SV2B: variants seen among roughly 807,000 people sequenced by gnomAD.
SV2B encodes the protein solute carrier family 22 member B2.
Under a neutral mutation model 73.9 loss-of-function variants are expected in SV2B, and 41 were observed. The observed-to-expected ratio is 0.56, with a 90% CI of 0.43 to 0.72. The LOEUF is 0.72. Among genes scored for constraint, SV2B ranks in the 30% least tolerant of loss-of-function variants. The pLI is 0.00. For missense variants in SV2B, 764 were observed against 857.8 expected (o/e 0.89, Z 1.37); for synonymous variants, 314 against 314.2 (o/e 1.00, Z 0.01).
In SV2B at chr15:91,137,945, C is replaced by T. The variant is rs535538893; in HGVS notation, c.-392+37582C>T. ...AAATGATAGATGAGGGGAATTTGCT[C>T]TTTATAGAAGTATTCCAGCTGACAA... is the stretch of plus-strand genomic sequence containing the variant. On this transcript the variant is annotated intron_variant, in intron 1 of 12. Transcript: ENST00000394232. The surrounding 1 kb of genome is among the most constrained non-coding windows in gnomAD (Gnocchi z 4.9). 1.8e-3 allele frequency among the ~76,000 whole-genome samples: 279 copies of T among 152,198 alleles called. 1 individual carries two copies. The highest frequency in any genetic ancestry group is 6.2e-3 in the African/African-American group (259 of 41,520).
chr15:91,167,561 C>G (rs1247145542), intron 1 of SV2B, among the ~76,000 whole-genome samples: 1 of 152,086 alleles, frequency 6.6e-6, no homozygotes, highest in Non-Finnish European at 1.5e-5. Flanking sequence ...TTGGTTTTGT[C>G]TTCACACCTC....
At chr15:91,207,406 C>G (rs1229519810) in intron 1 of SV2B, among the ~76,000 whole-genome samples, 1 of 151,890 alleles carries the variant, frequency 6.6e-6, no homozygotes, top group African/African-American at 2.4e-5. Context: ...GTGTTAAGAG[C>G]AAAAAACTGG....
rs1293954532 is a variant in SV2B, at chr15:91,268,973, T to C, written c.1373+368T>C. ...TTCCCGAACTAGTCCAAAGCCTGGGTGTTGAGCTTTTACTTTGACCCTAGA... is the reference window on the plus strand; with the variant it reads ...TTCCCGAACTAGTCCAAAGCCTGGGCGTTGAGCTTTTACTTTGACCCTAGA... On this transcript the variant is annotated intron_variant, in intron 9 of 12. Transcript: ENST00000394232. The surrounding 1 kb of genome is among the most constrained non-coding windows in gnomAD (Gnocchi z 4.4). Among the ~76,000 whole-genome samples the C allele has an allele frequency of 6.6e-6, 1 of 152,080 alleles. No individual in the cohort carries two copies. The highest frequency in any genetic ancestry group is 2.4e-5 in the African/African-American group (1 of 41,394).
chr15:91,281,931 T>A lies in SV2B; in HGVS notation c.1507+70T>A. ...AACTTGTGTTGTCCAAGAATCAAAA[T>A]GGTCAGGCATAAACTTTAGGAGTAG... On this transcript the variant is annotated intron_variant, in intron 10 of 12. Coordinates refer to ENST00000394232, the MANE Select transcript of SV2B (RefSeq NM_001323032.3). This position sits in a 1 kb window ranked among gnomAD's most constrained non-coding sequence, Gnocchi z 4.7. 5 of 1,510,464 alleles carry A rather than the reference T, an allele frequency of 3.3e-6. No homozygotes were observed. The African/African-American group carries it at 5.6e-5, about 17-fold the overall frequency. The allele number at this position is 1,510,464 out of a possible 1,614,324, so 93.6% of individuals were successfully genotyped here. A position where few individuals can be genotyped will look rare whatever the true frequency, so the allele number is the denominator to read the frequency against.
In SV2B at chr15:91,106,170, A is replaced by G. The variant is rs1029962868; in HGVS notation, c.-392+5807A>G. ...AGATGACATAATGAATTTTGACCTA[A>G]GCAGCTGGATGGAGTAGCACTTTAG... On this transcript the variant is annotated intron_variant, in intron 1 of 12. Coordinates refer to ENST00000394232, the MANE Select transcript of SV2B (RefSeq NM_001323032.3). This position sits in a 1 kb window ranked among gnomAD's most constrained non-coding sequence, Gnocchi z 4.4. 3.3e-5 allele frequency among the ~76,000 whole-genome samples: 5 copies of G among 152,206 alleles called. No individual in the cohort carries two copies. The highest frequency in any genetic ancestry group is 1.2e-4 in the African/African-American group (5 of 41,444).
At position 91,267,812 on chromosome 15, in the gene SV2B, T is replaced by G. The variant is rs2048158875; in HGVS notation, c.1208+169T>G. Among the ~76,000 whole-genome samples the G allele has an allele frequency of 6.6e-6, 1 of 151,808 alleles. No homozygotes were observed. The highest frequency in any genetic ancestry group is 6.6e-5 in the Admixed American group (1 of 15,266). ...GCTTCTACAAAGAAGAAACTTTTTTTTTTTTTTTTGAGACAGAGTCTTGCT... is the reference window on the plus strand; with the variant it reads ...GCTTCTACAAAGAAGAAACTTTTTTGTTTTTTTTTGAGACAGAGTCTTGCT... On this transcript the variant is annotated intron_variant, in intron 8 of 12. Coordinates refer to ENST00000394232, the MANE Select transcript of SV2B (RefSeq NM_001323032.3). This position sits in a 1 kb window ranked among gnomAD's most constrained non-coding sequence, Gnocchi z 4.3.
At chr15:91,131,392 G>A (rs1284071920) in intron 1 of SV2B, among the ~76,000 whole-genome samples, 3 of 151,442 alleles carry the variant, frequency 2.0e-5, no homozygotes, top group African/African-American at 7.3e-5. Context: ...GTATTGGGGG[G>A]GGTTGGGCAG....
rs149160195 is a variant in SV2B, at chr15:91,227,044, G to A, written c.451+330G>A. Among the ~76,000 whole-genome samples the A allele has an allele frequency of 2.3e-3, 352 of 152,258 alleles. No individual in the cohort carries two copies. Among genetic ancestry groups the A allele is most frequent in the Non-Finnish European group, 4.0e-3 (271 of 68,030 alleles). On this transcript the variant is annotated intron_variant, in intron 2 of 12. Transcript: ENST00000394232. This position sits in a 1 kb window ranked among gnomAD's most constrained non-coding sequence, Gnocchi z 4.5. ...CAAATACATTTTGGGAGTGGCAAAT[G>A]TGGGAGTGGCAAATTAAACCTTCTT...
intron 1 of SV2B, among the ~76,000 whole-genome samples, chr15:91,103,877 G>A (rs2041806545): frequency 6.6e-6 from 1 of 152,150 alleles, no homozygotes; most frequent in African/African-American, 2.4e-5. Context: ...AACCTGATCT[G>A]TCTTTCCGGG....
At chr15:91,154,583 C>T (rs2043424398) in intron 1 of SV2B, among the ~76,000 whole-genome samples, 1 of 152,128 alleles carries the variant, frequency 6.6e-6, no homozygotes, top group South Asian at 2.1e-4. Context: ...GGGGTTTTTG[C>T]AGACGTAACC....
chr15:91,285,600 C>A (rs182338311), intron 11 of SV2B, among the ~76,000 whole-genome samples: 1 of 152,228 alleles, frequency 6.6e-6, no homozygotes, highest in Non-Finnish European at 1.5e-5. Flanking sequence ...TGTGGACCCA[C>A]GTTCCTTTAC....
chr15:91,193,789 T>G (rs946365537), intron 1 of SV2B, among the ~76,000 whole-genome samples: 3 of 152,242 alleles, frequency 2.0e-5, no homozygotes, highest in Non-Finnish European at 2.9e-5. Context: ...TGGAATGGAC[T>G]TAAATGATAT....
chr15:91,268,477 C>G lies in SV2B; in HGVS notation c.1245C>G (p.Ile415Met). The G allele has an allele frequency of 6.2e-7, 1 of 1,614,012 alleles. No homozygotes were observed. The highest frequency in any genetic ancestry group is 8.5e-7 in the Non-Finnish European group (1 of 1,179,896). The change falls in exon 9 of 13, where the codon ATC (isoleucine) becomes ATG (methionine). Residue 415 changes from isoleucine (I) to methionine (M), a missense_variant. Physicochemically the swap from Ile to Met is conservative, Grantham distance 10. Coordinates refer to ENST00000394232, the MANE Select transcript of SV2B (RefSeq NM_001323032.3). The surrounding 1 kb of genome is among the most constrained non-coding windows in gnomAD (Gnocchi z 4.4). ...YGLTVWFPDM[I>M]RYFQDEEYKS... is the part of the protein sequence containing the mutation. ...TGACAGTTTGGTTTCCTGATATGAT[C>G]CGCTATTTTCAAGATGAAGAATACA...
chr15:91,154,311 T>C (rs2043413431), intron 1 of SV2B, among the ~76,000 whole-genome samples: 1 of 152,122 alleles, frequency 6.6e-6, no homozygotes, highest in Non-Finnish European at 1.5e-5. Flanking sequence ...GTAGGCCTAC[T>C]ATGTGCCGGA....
rs1437524689 is a variant in SV2B at position 91,284,883 on chromosome 15, A to G, written c.1708+662A>G. Reference sequence around the variant, plus strand: ...CCTCATTCCATCGGGACTTGCAGCAATTTATTACAGAAACACATGCCATGA... The same window carrying G: ...CCTCATTCCATCGGGACTTGCAGCAGTTTATTACAGAAACACATGCCATGA... On this transcript the variant is annotated intron_variant, in intron 11 of 12. Coordinates refer to ENST00000394232, the MANE Select transcript of SV2B (RefSeq NM_001323032.3). This position sits in a 1 kb window ranked among gnomAD's most constrained non-coding sequence, Gnocchi z 4.5. 1.3e-5 allele frequency among the ~76,000 whole-genome samples: 2 copies of G among 152,202 alleles called. No individual in the cohort carries two copies. Among genetic ancestry groups the G allele is most frequent in the Non-Finnish European group, 2.9e-5 (2 of 68,030 alleles).
In SV2B at chr15:91,118,681, C is replaced by G. The variant is rs1483614126; in HGVS notation, c.-392+18318C>G. 6.6e-6 allele frequency among the ~76,000 whole-genome samples: 1 copy of G among 152,166 alleles called. No individual in the cohort carries two copies. The highest frequency in any genetic ancestry group is 1.9e-4 in the East Asian group (1 of 5,190). ...GGGCCGAGGTGAGGCTGAACACTGT[C>G]TCAAGAAAACTTTATACACAGAAGC... is the stretch of plus-strand genomic sequence containing the variant. On this transcript the variant is annotated intron_variant, in intron 1 of 12. Transcript: ENST00000394232. This position sits in a 1 kb window ranked among gnomAD's most constrained non-coding sequence, Gnocchi z 4.7.
At chr15:91,237,353 C>A (rs1003022277) in intron 2 of SV2B, among the ~76,000 whole-genome samples, 5 of 152,208 alleles carry the variant, frequency 3.3e-5, no homozygotes, top group African/African-American at 7.2e-5. Flanking sequence ...GCCTGTAGCA[C>A]CCTGCTCCCA....
Position 91,268,632 on chromosome 15 carries a change from C to T in SV2B, c.1373+27C>T. The T allele has an allele frequency of 6.2e-7, 1 of 1,600,102 alleles. No individual in the cohort carries two copies. On this transcript the variant is annotated intron_variant, in intron 9 of 12. Coordinates refer to ENST00000394232, the MANE Select transcript of SV2B (RefSeq NM_001323032.3). This position sits in a 1 kb window ranked among gnomAD's most constrained non-coding sequence, Gnocchi z 4.4. ...TAAGTGAGTGATCACGGGCTTCCCTCACATCAGGGTGACAGTCGTGGGGAC... is the reference window on the plus strand; with the variant it reads ...TAAGTGAGTGATCACGGGCTTCCCTTACATCAGGGTGACAGTCGTGGGGAC...
intron 1 of SV2B, among the ~76,000 whole-genome samples, chr15:91,209,107 G>GTTTTT (rs1362781398): frequency 1.3e-4 from 16 of 121,952 alleles, no homozygotes; most frequent in African/African-American, 3.3e-4. Context: ...TGGCAGTACT[G>GTTTTT]TTTTTTGTTT....
Sources: gnomAD v4.1 joint callset for allele counts (sites outside exome capture counted in the v4.1 genomes callset) on GRCh38, gnomAD v4.1.1 for gene constraint, Gnocchi (gnomAD v3.1) non-coding constraint, MANE v1.5 for transcripts, NCBI Gene and HGNC (gene_info 2026-07-23, HGNC 2026-07-21) for gene names.